The following COL24A1 variants were observed in gnomAD, a reference collection of about 807,000 sequenced individuals.
COL24A1 encodes collagen type XXIV alpha 1 chain, also known as collagen alpha-1(XXIV) chain.
A neutral mutation model predicts 253.9 loss-of-function variants in COL24A1; 224 were observed. That is an observed-to-expected ratio of 0.88 (90% CI 0.79 to 0.99). COL24A1 has a LOEUF of 0.99. Ranked by LOEUF, COL24A1 falls within the 50% of genes least tolerant of loss-of-function variation. The probability of loss-of-function intolerance (pLI) is 0.00; values close to 1 mark genes in which losing one functional copy is unlikely to be tolerated. For synonymous variants in COL24A1, 685 were observed against 673.7 expected (o/e 1.02, Z -0.26); for missense variants, 2,131 against 2,068.5 (o/e 1.03, Z -0.59).
At chr1:85,815,559 A>G (rs949239375) in intron 47 of COL24A1, among the ~76,000 whole-genome samples, 1 of 152,156 alleles carries the variant, frequency 6.6e-6, no homozygotes, top group African/African-American at 2.4e-5. Context: ...ATCTGACTAG[A>G]TATTTATTAG....
chr1:86,059,990 G>A (rs995491488), intron 8 of COL24A1, among the ~76,000 whole-genome samples: 2 of 152,028 alleles, frequency 1.3e-5, no homozygotes, highest in Admixed American at 1.3e-4. Flanking sequence ...TTGTTTATAA[G>A]CCACCCAGTC....
At position 85,832,186 on chromosome 1, in the gene COL24A1, C is replaced by A. The variant is rs942243990; in HGVS notation, c.3681+6399G>T. On this transcript the variant is annotated intron_variant, in intron 43 of 59. Coordinates refer to ENST00000370571, the MANE Select transcript of COL24A1 (RefSeq NM_152890.7). ...TAGCACCATTTATTAAATAGGGAAT[C>A]CTTTCCCCATTGCTCGTTTTTCTCA... 3.3e-5 allele frequency among the ~76,000 whole-genome samples: 5 copies of A among 152,164 alleles called. No individual in the cohort carries two copies. The South Asian group carries it at 1.0e-3, about 32-fold the overall frequency.
intron 20 of COL24A1, among the ~76,000 whole-genome samples, chr1:85,975,314 C>T (rs762763994): frequency 3.9e-5 from 6 of 152,106 alleles, no homozygotes; most frequent in Non-Finnish European, 7.4e-5. Context: ...TCTGCATTCT[C>T]AAGTTTATTG....
At chr1:85,933,105 AGAAAG>A (rs1387792315) in intron 24 of COL24A1, among the ~76,000 whole-genome samples, 133 of 88,402 alleles carry the variant, frequency 1.5e-3, no homozygotes, top group African/African-American at 4.4e-3. Flanking sequence ...AAAAAAAGAA[AGAAAG>A]AAAAAAAAAA....
At chr1:85,912,705 C>T (rs2102942250) in intron 24 of COL24A1, among the ~76,000 whole-genome samples, 1 of 152,196 alleles carries the variant, frequency 6.6e-6, no homozygotes. Context: ...ACAGATGAGG[C>T]AGATGAATTA....
At chr1:85,885,760 C>G (rs1682423438) in intron 32 of COL24A1, among the ~76,000 whole-genome samples, 2 of 152,060 alleles carry the variant, frequency 1.3e-5, no homozygotes, top group Admixed American at 6.6e-5. Flanking sequence ...TGACACCAGT[C>G]CAAGGCTGGA....
In COL24A1 at chr1:86,156,323, G is replaced by T. The variant is rs779563056; in HGVS notation, c.56+18C>A. ...GGTTGGTCTAACCCCTACCCTACCC[G>T]GCGGGTGGGCTACTTACGTTTTTGC... On this transcript the variant is annotated intron_variant, in intron 1 of 59. Coordinates refer to ENST00000370571, the MANE Select transcript of COL24A1 (RefSeq NM_152890.7). 3 of 1,611,286 alleles carry T rather than the reference G, an allele frequency of 1.9e-6. No homozygotes were observed. The highest frequency in any genetic ancestry group is 1.7e-5 in the Admixed American group (1 of 59,632).
rs78353678 is a variant in COL24A1 at position 86,116,501 on chromosome 1, A to G, written c.1492-1123T>C. 9.0e-3 allele frequency among the ~76,000 whole-genome samples: 1,374 copies of G among 152,316 alleles called. 23 individuals are homozygous for G. Among genetic ancestry groups the G allele is most frequent in the East Asian group, 0.074 (382 of 5,184 alleles). On this transcript the variant is annotated intron_variant, in intron 3 of 59. Coordinates refer to ENST00000370571, the MANE Select transcript of COL24A1 (RefSeq NM_152890.7). ...CATAATTTCATACAGTTTAATCTGC[A>G]GCATGGCCAGGTACACCTAAAATGT...
At chr1:85,969,659 T>G (rs545635252) in intron 22 of COL24A1, among the ~76,000 whole-genome samples, 1 of 149,186 alleles carries the variant, frequency 6.7e-6, no homozygotes, top group Non-Finnish European at 1.5e-5. Context: ...CTTTATGATG[T>G]TGTCAAGAAA....
intron 14 of COL24A1, among the ~76,000 whole-genome samples, chr1:86,024,394 G>A (rs976739591): frequency 2.6e-5 from 4 of 151,994 alleles, no homozygotes; most frequent in Non-Finnish European, 5.9e-5. Flanking sequence ...ATAAAGTGTA[G>A]AATGAATACT....
chr1:85,768,914 G>A (rs1220634451), intron 53 of COL24A1, among the ~76,000 whole-genome samples: 1 of 152,102 alleles, frequency 6.6e-6, no homozygotes, highest in Non-Finnish European at 1.5e-5. Flanking sequence ...TGGTAACAAC[G>A]ATGGTAGGTA....
intron 47 of COL24A1, among the ~76,000 whole-genome samples, chr1:85,808,707 G>C (rs1672230005): frequency 6.6e-6 from 1 of 152,208 alleles, no homozygotes; most frequent in African/African-American, 2.4e-5. Context: ...TAAAATTTCA[G>C]GGGCTTGATA....
chr1:86,135,935 T>C (rs1450424038), intron 2 of COL24A1, among the ~76,000 whole-genome samples: 1 of 152,094 alleles, frequency 6.6e-6, no homozygotes, highest in African/African-American at 2.4e-5. Context: ...AGAAAGATGC[T>C]GGCAGAAGAA....
intron 23 of COL24A1, among the ~76,000 whole-genome samples, 195 bp downstream of exon 23, chr1:85,964,814 G>A (rs11161712): frequency 0.037 from 5,604 of 152,184 alleles, 165 homozygotes; most frequent in African/African-American, 0.074. Context: ...ATGCATTTCA[G>A]ATAGGGGATA....
intron 58 of COL24A1, among the ~76,000 whole-genome samples, 196 bp downstream of exon 58, chr1:85,737,200 C>G (rs1428849289): frequency 6.6e-6 from 1 of 152,042 alleles, no homozygotes; most frequent in African/African-American, 2.4e-5. Context: ...AATAAAAAGA[C>G]ACAATCAAAA....
chr1:85,754,621 C>T (rs985555649), intron 55 of COL24A1, among the ~76,000 whole-genome samples: 3 of 141,312 alleles, frequency 2.1e-5, no homozygotes, highest in Non-Finnish European at 1.6e-5. Flanking sequence ...ATAATAAAAG[C>T]ACATAAATTA....
intron 53 of COL24A1, among the ~76,000 whole-genome samples, chr1:85,775,294 T>G (rs2101432716): frequency 6.6e-6 from 1 of 152,312 alleles, no homozygotes; most frequent in South Asian, 2.1e-4. Context: ...CTTCCAATTA[T>G]GTGGTCAATT....
chr1:86,093,624 C>T (rs1208007894), intron 5 of COL24A1, among the ~76,000 whole-genome samples: 4 of 151,906 alleles, frequency 2.6e-5, no homozygotes, highest in African/African-American at 9.7e-5. Flanking sequence ...CGCAAAAAAA[C>T]AAAAATTGAC....
At chr1:85,778,895 C>A (rs313727) in intron 52 of COL24A1, among the ~76,000 whole-genome samples, 3 of 152,046 alleles carry the variant, frequency 2.0e-5, no homozygotes, top group Admixed American at 6.6e-5. Flanking sequence ...TGAGCCACTG[C>A]GCTTGGCCTC....
Sources: gnomAD v4.1 joint callset for allele counts (sites outside exome capture counted in the v4.1 genomes callset) on GRCh38, gnomAD v4.1.1 for gene constraint, MANE v1.5 for transcripts, NCBI Gene and HGNC (gene_info 2026-07-23, HGNC 2026-07-21) for gene names.